Variants in AGTR1 observed in about 807,000 individuals in gnomAD.
The protein encoded by AGTR1 is type-1 angiotensin II receptor.
AGTR1 carries 16 observed loss-of-function variants against 19.4 expected under a neutral mutation model. That is an observed-to-expected ratio of 0.82 (90% CI 0.56 to 1.25). AGTR1 has a LOEUF of 1.25. Ranked by LOEUF, AGTR1 falls within the 50% of genes most tolerant of loss-of-function variation. AGTR1 has a pLI of 0.00. For missense variants in AGTR1, 373 were observed against 431.9 expected (o/e 0.86, Z 1.21); for synonymous variants, 153 against 154.9 (o/e 0.99, Z 0.09).
chr3:148,737,617 T>C (rs1398683613), intron 2 of AGTR1, among the ~76,000 whole-genome samples: 1 of 152,200 alleles, frequency 6.6e-6, no homozygotes, highest in Non-Finnish European at 1.5e-5. Flanking sequence ...TCAGTGAATA[T>C]GTGATGAGTT....
rs528231780 is a variant in AGTR1, at chr3:148,731,795, A to C, written c.-47-9194A>C. On this transcript the variant is annotated intron_variant, in intron 2 of 2. Coordinates refer to ENST00000349243, the MANE Select transcript of AGTR1 (RefSeq NM_000685.5). ...CTTCCAGGCTGTTCTGCTCTTCCTC[A>C]ATTTTTACAGCATTTTTATGTTAAT... Among the ~76,000 whole-genome samples, 34 of 152,344 alleles carry C rather than the reference A, an allele frequency of 2.2e-4. 1 individual carries two copies. In the South Asian group the frequency reaches 6.8e-3, roughly 31 times the overall value.
rs1486330094 is a variant in AGTR1 at position 148,741,485 on chromosome 3, C to G, written c.450C>G (p.Ile150Met). 6.2e-7 allele frequency: 1 copy of G among 1,613,608 alleles called. No homozygotes were observed. Among genetic ancestry groups the G allele is most frequent in the Non-Finnish European group, 8.5e-7 (1 of 1,180,022 alleles). ...RTMLVAKVTC[I>M]IIWLLAGLAS... ...TGCTTGTAGCCAAAGTCACCTGCATCATCATTTGGCTGCTGGCAGGCTTGG... is the reference window on the plus strand; with the variant it reads ...TGCTTGTAGCCAAAGTCACCTGCATGATCATTTGGCTGCTGGCAGGCTTGG... Residue 150 changes from isoleucine (I) to methionine (M), a missense_variant, in exon 3 of 3, where the codon ATC becomes ATG. By Grantham distance (10) the Ile-to-Met change is conservative. Transcript: ENST00000349243.
intron 2 of AGTR1, among the ~76,000 whole-genome samples, chr3:148,714,193 C>T (rs1006218579): frequency 1.3e-5 from 2 of 152,078 alleles, no homozygotes; most frequent in Admixed American, 1.3e-4. Context: ...AGCACAAAGT[C>T]GTGAGCAAGG....
intron 1 of AGTR1, among the ~76,000 whole-genome samples, chr3:148,703,705 C>T (rs1712487109): frequency 1.3e-5 from 2 of 152,160 alleles, no homozygotes; most frequent in African/African-American, 4.8e-5. Context: ...ATTGCCTGTT[C>T]TCTTAGCTGT....
chr3:148,710,131 C>G (rs1712899593), intron 2 of AGTR1, among the ~76,000 whole-genome samples: 1 of 152,144 alleles, frequency 6.6e-6, no homozygotes, highest in Non-Finnish European at 1.5e-5. Flanking sequence ...CTGGACAGTA[C>G]TGCTGTAAAC....
intron 2 of AGTR1, among the ~76,000 whole-genome samples, chr3:148,723,999 TTAAC>T (rs994498853): frequency 4.6e-5 from 7 of 152,208 alleles, no homozygotes; most frequent in African/African-American, 1.4e-4. Flanking sequence ...GGCAGCCTTT[TTAAC>T]TAAATCTAAT....
chr3:148,707,005 T>C (rs1712706080), intron 1 of AGTR1, among the ~76,000 whole-genome samples: 1 of 152,016 alleles, frequency 6.6e-6, no homozygotes, highest in African/African-American at 2.4e-5. Flanking sequence ...AATATTATTA[T>C]TGGGACATTT....
At chr3:148,721,376 A>T (rs1713626642) in intron 2 of AGTR1, among the ~76,000 whole-genome samples, 1 of 152,234 alleles carries the variant, frequency 6.6e-6, no homozygotes, top group Non-Finnish European at 1.5e-5. Flanking sequence ...TAGTTCTTCC[A>T]AAATCAAGTA....
chr3:148,739,889 C>G lies in AGTR1; in HGVS notation c.-47-1100C>G, dbSNP rs968454896. The G allele has an allele frequency of 7.3e-6, 9 of 1,231,828 alleles. No individual in the cohort carries two copies. In the African/African-American group the frequency reaches 1.4e-4, roughly 19 times the overall value. 76.3% of individuals were successfully genotyped at this position (1,231,828 alleles called of 1,614,324 possible). ...AGGATCTGTGTGCCCAGCACCACTG[C>G]CCACCTAGCTGTCCTGGCCTGTGCC... is the stretch of plus-strand genomic sequence containing the variant. On this transcript the variant is annotated intron_variant, in intron 2 of 2. Coordinates refer to ENST00000349243, the MANE Select transcript of AGTR1 (RefSeq NM_000685.5).
At chr3:148,729,461 G>C (rs1714132632) in intron 2 of AGTR1, among the ~76,000 whole-genome samples, 1 of 152,180 alleles carries the variant, frequency 6.6e-6, no homozygotes, top group Non-Finnish European at 1.5e-5. Context: ...CTTGGAAAGA[G>C]TTCGTTTTTA....
chr3:148,704,022 T>A (rs778962423), intron 1 of AGTR1, among the ~76,000 whole-genome samples: 2 of 152,134 alleles, frequency 1.3e-5, no homozygotes, highest in Non-Finnish European at 2.9e-5. Flanking sequence ...TCAATTATAC[T>A]TCAATAAAGC....
intron 1 of AGTR1, among the ~76,000 whole-genome samples, chr3:148,699,661 C>A (rs1712206671): frequency 6.6e-6 from 1 of 152,164 alleles, no homozygotes; most frequent in Admixed American, 6.5e-5. Flanking sequence ...TCCTTAATTT[C>A]TTTTGTTTTG....
intron 2 of AGTR1, among the ~76,000 whole-genome samples, chr3:148,711,437 T>A (rs533673307): frequency 6.6e-6 from 1 of 152,334 alleles, no homozygotes; most frequent in African/African-American, 2.4e-5. Context: ...AATAGTATCA[T>A]TTTTCAATGA....
chr3:148,732,463 TTTATTCATC>T (rs1714320893), intron 2 of AGTR1, among the ~76,000 whole-genome samples: 1 of 152,244 alleles, frequency 6.6e-6, no homozygotes, highest in Non-Finnish European at 1.5e-5. Flanking sequence ...GTTGAGTTTC[TTTATTCATC>T]TTGAGTAAAC....
intron 1 of AGTR1, among the ~76,000 whole-genome samples, chr3:148,703,524 G>A (rs189155258): frequency 2.0e-5 from 3 of 152,190 alleles, no homozygotes; most frequent in East Asian, 3.9e-4. Context: ...CAAACACAAC[G>A]TTCAGTCTTT....
chr3:148,726,418 A>G (rs1319666810), intron 2 of AGTR1, among the ~76,000 whole-genome samples: 3 of 152,112 alleles, frequency 2.0e-5, no homozygotes, highest in African/African-American at 7.2e-5. Context: ...CATGCTGGCC[A>G]GGCTGGTCTC....
At chr3:148,735,004 C>T (rs747649143) in intron 2 of AGTR1, among the ~76,000 whole-genome samples, 6 of 152,164 alleles carry the variant, frequency 3.9e-5, no homozygotes, top group African/African-American at 9.7e-5. Flanking sequence ...AATGCCAGAT[C>T]ACAGCTCTGA....
intron 2 of AGTR1, 38 bp from the exon 3 acceptor site, chr3:148,740,951 G>A: frequency 6.4e-7 from 1 of 1,552,538 alleles, no homozygotes; most frequent in African/African-American, 1.4e-5. Context: ...TTTACAATAA[G>A]AATTTTTTCT....
At chr3:148,736,990 C>T (rs1415168216) in intron 2 of AGTR1, among the ~76,000 whole-genome samples, 1 of 152,188 alleles carries the variant, frequency 6.6e-6, no homozygotes, top group Non-Finnish European at 1.5e-5. Context: ...TCTCCTTCGG[C>T]TTCTCACCAA....
Sources: allele counts gnomAD v4.1 joint callset (sites outside exome capture counted in the v4.1 genomes callset), GRCh38; gene constraint gnomAD v4.1.1; transcripts MANE v1.5; gene names NCBI Gene and HGNC (gene_info 2026-07-23, HGNC 2026-07-21).